LRP2: variants seen among roughly 807,000 people sequenced by gnomAD.
LRP2 encodes low-density lipoprotein receptor-related protein 2.
LRP2 carries 172 observed loss-of-function variants against 531.0 expected under a neutral mutation model. The observed-to-expected ratio is 0.32, with a 90% CI of 0.29 to 0.37. LRP2 has a LOEUF of 0.37. LRP2 is among the 10% of genes least tolerant of loss of function. LRP2 has a pLI of 1.00. For synonymous variants in LRP2, 1,992 were observed against 2,027.6 expected, an observed-to-expected ratio of 0.98 and a Z score of 0.47; for missense variants, 5,167 against 5,868.3, an observed-to-expected ratio of 0.88 and a Z score of 3.90.
rs62172630 is a variant in LRP2, at chr2:169,214,125, G to A, written c.5827-255C>T. 0.037 allele frequency among the ~76,000 whole-genome samples: 5,643 copies of A among 152,100 alleles called. 147 individuals carry two copies. The highest frequency in any genetic ancestry group is 0.098 in the South Asian group (469 of 4,808). On this transcript the variant is annotated intron_variant, in intron 35 of 78. Transcript: ENST00000649046. ...GTCAGTCAACCTTTTCAGGTGGCAC[G>A]GTGAAGAAAAGGGAGCTAAACCACT...
chr2:169,174,259 T>C lies in LRP2; in HGVS notation c.10769-95A>G, dbSNP rs1687106631. 7.3e-6 allele frequency: 11 copies of C among 1,501,902 alleles called. No homozygotes were observed. The South Asian group carries it at 8.1e-5, about 11-fold the overall frequency. The allele number at this position is 1,501,902 out of a possible 1,614,324, so 93.0% of individuals were successfully genotyped here. ...GAATCCTGGATAGCAGGATCATGAT[T>C]TCTTTTTAGAGGACTTATTTCCTAA... is the stretch of plus-strand genomic sequence containing the variant. On this transcript the variant is annotated intron_variant, in intron 55 of 78. Transcript: ENST00000649046.
At chr2:169,131,146 C>T (rs1250682523) in intron 77 of LRP2, among the ~76,000 whole-genome samples, 1 of 152,136 alleles carries the variant, frequency 6.6e-6, no homozygotes, top group African/African-American at 2.4e-5. Flanking sequence ...AATTAATCTT[C>T]AAAATCCATT....
intron 1 of LRP2, among the ~76,000 whole-genome samples, chr2:169,351,190 T>C (rs759679164): frequency 1.1e-4 from 16 of 152,200 alleles, no homozygotes; most frequent in South Asian, 2.1e-4. Context: ...AAATAGATCA[T>C]TGGATTTAAC....
intron 1 of LRP2, among the ~76,000 whole-genome samples, chr2:169,327,712 G>C (rs1685130138): frequency 1.6e-5 from 2 of 123,722 alleles, no homozygotes; most frequent in Admixed American, 7.4e-5. Context: ...GAGGTGGGGG[G>C]ATCAGCACCC....
intron 22 of LRP2, 22 bp downstream of exon 22, chr2:169,244,671 G>C (rs1689936922): frequency 1.2e-6 from 2 of 1,614,106 alleles, no homozygotes; most frequent in Non-Finnish European, 1.7e-6. Flanking sequence ...GACCAACCAA[G>C]GGAAACCAGC....
intron 15 of LRP2, among the ~76,000 whole-genome samples, chr2:169,272,719 GA>G (rs1683450619): frequency 1.3e-5 from 2 of 152,186 alleles, no homozygotes; most frequent in African/African-American, 4.8e-5. Context: ...CCAAAAGACA[GA>G]AATTTACATT....
At chr2:169,153,736 T>C (rs747055078) in intron 66 of LRP2, among the ~76,000 whole-genome samples, 1 of 152,156 alleles carries the variant, frequency 6.6e-6, no homozygotes, top group Non-Finnish European at 1.5e-5. Context: ...GAGACTGGCA[T>C]AAAAGATAAG....
At chr2:169,245,589 C>T (rs1689976170) in intron 21 of LRP2, among the ~76,000 whole-genome samples, 1 of 152,158 alleles carries the variant, frequency 6.6e-6, no homozygotes, top group African/African-American at 2.4e-5. Flanking sequence ...GAGATTTCAA[C>T]TGTCCTCTAT....
At chr2:169,150,814 G>GAA in intron 68 of LRP2, 84 bp downstream of exon 68, 1 of 1,553,112 alleles carries the variant, frequency 6.4e-7, no homozygotes, top group Non-Finnish European at 8.8e-7. Flanking sequence ...GTTAAACTAG[G>GAA]AAAAAAAAAT....
chr2:169,357,726 G>A (rs917400051), intron 1 of LRP2, among the ~76,000 whole-genome samples: 1 of 151,920 alleles, frequency 6.6e-6, no homozygotes, highest in African/African-American at 2.4e-5. Flanking sequence ...TGATTACACA[G>A]GAAATACATC....
chr2:169,237,989 G>T, intron 27 of LRP2, 102 bp downstream of exon 27: 2 of 939,568 alleles, frequency 2.1e-6, no homozygotes, highest in Non-Finnish European at 3.4e-6. Flanking sequence ...TACCATGAGA[G>T]CTACCCAGAT....
Position 169,176,520 on chromosome 2 carries a change from C to G in LRP2, c.10462G>C (p.Gly3488Arg). Residue 3488 changes from glycine (G) to arginine (R), a missense_variant, in exon 54 of 79, where the codon GGG (glycine) becomes CGG (arginine). By Grantham distance (125) the Gly-to-Arg change is moderately radical. Transcript: ENST00000649046. Reference protein sequence around the residue: ...HLCLIKPGGKGFTCECPDDFR... With the variant: ...HLCLIKPGGKRFTCECPDDFR... Reference sequence around the variant, plus strand: ...TCATCTGGACACTCGCAAGTGAACCCTTTTCCTCCTGGCTTGATGAGGCAG... The same window carrying G: ...TCATCTGGACACTCGCAAGTGAACCGTTTTCCTCCTGGCTTGATGAGGCAG... The G allele has an allele frequency of 6.2e-7, 1 of 1,614,210 alleles. No individual in the cohort carries two copies.
intron 4 of LRP2, among the ~76,000 whole-genome samples, chr2:169,295,307 T>C (rs1684108008): frequency 1.3e-5 from 2 of 152,224 alleles, no homozygotes; most frequent in Admixed American, 1.3e-4. Flanking sequence ...GATAACCTAC[T>C]GCACAGGGTA....
At chr2:169,353,371 G>T (rs76438157) in intron 1 of LRP2, among the ~76,000 whole-genome samples, 12 of 152,208 alleles carry the variant, frequency 7.9e-5, no homozygotes, top group East Asian at 1.9e-4. Flanking sequence ...TGAAACTTAG[G>T]GGGGAGTAGG....
At chr2:169,334,361 C>A (rs1444736959) in intron 1 of LRP2, among the ~76,000 whole-genome samples, 1 of 152,086 alleles carries the variant, frequency 6.6e-6, no homozygotes, top group Non-Finnish European at 1.5e-5. Flanking sequence ...TATTATACTT[C>A]TTACAAAGGC....
intron 1 of LRP2, among the ~76,000 whole-genome samples, chr2:169,345,363 G>C (rs1049364868): frequency 2.6e-5 from 4 of 152,118 alleles, no homozygotes; most frequent in African/African-American, 7.2e-5. Context: ...CAAGCTTACC[G>C]TGAGTGTCAT....
At chr2:169,170,747 C>T (rs1170669962) in intron 58 of LRP2, 80 bp from the exon 59 acceptor site, 3 of 992,540 alleles carry the variant, frequency 3.0e-6, no homozygotes, top group African/African-American at 1.6e-5. Flanking sequence ...ACCATAGTGC[C>T]CTGGGTGCCC....
At chr2:169,175,095 G>T in intron 55 of LRP2, 98 bp downstream of exon 55, 1 of 1,215,658 alleles carries the variant, frequency 8.2e-7, no homozygotes, top group Non-Finnish European at 1.2e-6. Flanking sequence ...CTTTGAACTG[G>T]TTTTTAGTTC....
chr2:169,356,505 G>C (rs183382757), intron 1 of LRP2, among the ~76,000 whole-genome samples: 1 of 152,154 alleles, frequency 6.6e-6, no homozygotes, highest in Non-Finnish European at 1.5e-5. Context: ...TAACCACCCC[G>C]TGAGGTAGAT....
Sources: allele counts gnomAD v4.1 joint callset (sites outside exome capture counted in the v4.1 genomes callset), GRCh38; gene constraint gnomAD v4.1.1; transcripts MANE v1.5; gene names NCBI Gene and HGNC (gene_info 2026-07-23, HGNC 2026-07-21).